The following ZBBX variants were observed in gnomAD, a reference collection of about 807,000 sequenced individuals.
ZBBX encodes the protein zinc finger B-box domain containing, also known as zinc finger B-box domain-containing protein 1.
A neutral mutation model predicts 108.5 loss-of-function variants in ZBBX; 101 were observed. The ratio of observed to expected loss-of-function variants is 0.93; its 90% confidence interval spans 0.79 to 1.10. The LOEUF (loss-of-function observed/expected upper bound fraction) is 1.10, where lower values mean the gene tolerates loss of function less well. Among genes scored for constraint, ZBBX ranks in the 50% least tolerant of loss-of-function variants. ZBBX has a pLI of 0.00. For synonymous variants in ZBBX, 356 were observed against 323.4 expected (o/e 1.10, Z -1.08); for missense variants, 1,009 against 941.4 (o/e 1.07, Z -0.94).
At chr3:167,198,018 T>C in the ZBBX span, among the ~76,000 whole-genome samples, 1 of 152,174 alleles carries the variant, frequency 6.6e-6, no homozygotes, top group African/African-American at 2.4e-5. Context: ...TGATCAACAA[T>C]GAAGAAATTA....
At chr3:167,216,553 C>T in the ZBBX span, among the ~76,000 whole-genome samples, 3 of 152,034 alleles carry the variant, frequency 2.0e-5, no homozygotes, top group Admixed American at 6.6e-5. Flanking sequence ...CTGCCCAAAG[C>T]ATTTTACAGA....
At chr3:167,310,076 T>C (rs1437898625) in intron 16 of ZBBX, among the ~76,000 whole-genome samples, 4 of 152,186 alleles carry the variant, frequency 2.6e-5, no homozygotes, top group East Asian at 1.9e-4. Context: ...AAATCATCTC[T>C]CTGAAGTTCA....
At chr3:167,191,769 G>C in the ZBBX span, among the ~76,000 whole-genome samples, 1 of 151,508 alleles carries the variant, frequency 6.6e-6, no homozygotes, top group Non-Finnish European at 1.5e-5. Flanking sequence ...GGGATCTTGT[G>C]ATCTTGTTGT....
At chr3:167,280,322 T>A (rs1183243408) in intron 20 of ZBBX, among the ~76,000 whole-genome samples, 1 of 149,012 alleles carries the variant, frequency 6.7e-6, no homozygotes, top group African/African-American at 2.5e-5. Flanking sequence ...AGGTAACCTA[T>A]AAAATGGGAG....
intron 17 of ZBBX, among the ~76,000 whole-genome samples, chr3:167,301,192 A>C (rs1732608969): frequency 6.6e-6 from 1 of 152,198 alleles, no homozygotes; most frequent in African/African-American, 2.4e-5. Context: ...CATTAATTGA[A>C]TAGAGTAGTA....
At chr3:167,218,431 T>C in the ZBBX span, among the ~76,000 whole-genome samples, 10 of 152,190 alleles carry the variant, frequency 6.6e-5, no homozygotes, top group South Asian at 2.1e-3. Flanking sequence ...CAAGACATAG[T>C]ACAATAAAAA....
At chr3:167,360,518 C>T (rs1045937530) in intron 7 of ZBBX, among the ~76,000 whole-genome samples, 157 bp downstream of exon 7, 2 of 151,788 alleles carry the variant, frequency 1.3e-5, no homozygotes, top group African/African-American at 2.4e-5. Flanking sequence ...CCTAACCACC[C>T]GAATAAAATT....
At chr3:167,245,145 G>A (rs1187127004) in intron 20 of ZBBX, among the ~76,000 whole-genome samples, 1 of 152,182 alleles carries the variant, frequency 6.6e-6, no homozygotes, top group Non-Finnish European at 1.5e-5. Context: ...CGGGCGCGGT[G>A]GCTCACGCCT....
At chr3:167,281,510 T>C (rs1576880807) in intron 20 of ZBBX, among the ~76,000 whole-genome samples, 1 of 152,206 alleles carries the variant, frequency 6.6e-6, no homozygotes, top group East Asian at 1.9e-4. Flanking sequence ...AAGAATTTTC[T>C]AGCCTGTCTC....
At chr3:167,197,861 T>C in the ZBBX span, among the ~76,000 whole-genome samples, 8 of 152,204 alleles carry the variant, frequency 5.3e-5, no homozygotes, top group East Asian at 1.9e-4. Flanking sequence ...TATTGACATA[T>C]AAGAACTACA....
At chr3:167,354,068 C>CGGG in intron 8 of ZBBX, among the ~76,000 whole-genome samples, 2 of 152,052 alleles carry the variant, frequency 1.3e-5, no homozygotes, top group South Asian at 2.1e-4. Flanking sequence ...CCTAGCTAAC[C>CGGG]TTAAATGTGC....
chr3:167,259,400 T>C (rs960405160), intron 20 of ZBBX, among the ~76,000 whole-genome samples: 1 of 152,186 alleles, frequency 6.6e-6, no homozygotes, highest in African/African-American at 2.4e-5. Context: ...CTATCAATTT[T>C]ATTTATCTTT....
rs1450951812 is a variant in ZBBX at position 167,350,435 on chromosome 3, TC to T, written c.512del (p.Arg171LysfsTer23). 6.3e-7 allele frequency: 1 copy of T among 1,594,420 alleles called. No individual in the cohort carries two copies. Among genetic ancestry groups the T allele is most frequent in the Admixed American group, 1.7e-5 (1 of 59,362 alleles). Reference protein sequence around the residue: ...VHQKGALKLHRTTLLQAKSQI... With the variant: ...VHQKGALKLHXTTLLQAKSQI... ...AAAGCCATACCTGCAAAAGAGTTGT[TC>T]TGTGGAGCTTTAGTGCCCCTTTCTG... On this transcript the variant is annotated frameshift_variant, in exon 9 of 22. Transcript: ENST00000675490. LOFTEE classifies it high-confidence loss of function.
At chr3:167,348,314 G>GAAAGAAAGAAAGAA (rs1476551584) in intron 9 of ZBBX, among the ~76,000 whole-genome samples, 1 of 65,592 alleles carries the variant, frequency 1.5e-5, no homozygotes, top group Non-Finnish European at 3.0e-5. Flanking sequence ...GAGAAAGAAA[G>GAAAGAAAGAAAGAA]AGAAAGAAAG....
At chr3:167,215,019 A>T in the ZBBX span, among the ~76,000 whole-genome samples, 61,799 of 136,804 alleles carry the variant, frequency 0.45, 12,867 homozygotes, top group Non-Finnish European at 0.49. Flanking sequence ...TTAAATGCCC[A>T]CATCAAAAAC....
At chr3:167,199,062 G>T in the ZBBX span, among the ~76,000 whole-genome samples, 1 of 152,176 alleles carries the variant, frequency 6.6e-6, no homozygotes, top group African/African-American at 2.4e-5. Flanking sequence ...GACAAAAATT[G>T]TTGGGTAGGT....
intron 6 of ZBBX, among the ~76,000 whole-genome samples, chr3:167,364,703 G>A (rs900530482): frequency 1.3e-5 from 2 of 151,964 alleles, no homozygotes; most frequent in African/African-American, 4.8e-5. Flanking sequence ...CTTATTGAGT[G>A]AATATTAAAG....
intron 6 of ZBBX, among the ~76,000 whole-genome samples, chr3:167,361,114 T>C (rs1744434384): frequency 6.6e-6 from 1 of 152,104 alleles, no homozygotes; most frequent in African/African-American, 2.4e-5. Flanking sequence ...GAATCTAAAC[T>C]GAATTGTGAC....
At chr3:167,219,871 TAAAGG>T in the ZBBX span, among the ~76,000 whole-genome samples, 2 of 151,708 alleles carry the variant, frequency 1.3e-5, no homozygotes, top group African/African-American at 2.4e-5. Flanking sequence ...CCAGACTAAC[TAAAGG>T]AAAGACCCAA....
Sources: gnomAD v4.1 joint callset for allele counts (sites outside exome capture counted in the v4.1 genomes callset) on GRCh38, gnomAD v4.1.1 for gene constraint, MANE v1.5 for transcripts, NCBI Gene and HGNC (gene_info 2026-07-23, HGNC 2026-07-21) for gene names.